Variants in MCTP1 observed in about 807,000 individuals in gnomAD.
MCTP1 encodes multiple C2 and transmembrane domain-containing protein 1.
Under a neutral mutation model 120.6 loss-of-function variants are expected in MCTP1, and 69 were observed. The ratio of observed to expected loss-of-function variants is 0.57; its 90% CI spans 0.47 to 0.70. The LOEUF (loss-of-function observed/expected upper bound fraction) is 0.70, where lower values mean the gene tolerates loss of function less well. MCTP1 is among the 30% of genes least tolerant of loss of function. MCTP1 has a pLI of 0.00. For synonymous variants in MCTP1, 529 were observed against 493.1 expected (o/e 1.07, Z -0.96); for missense variants, 1,203 against 1,248.8 (o/e 0.96, Z 0.55).
chr5:95,151,115 C>A lies in MCTP1; in HGVS notation c.720+132741G>T, dbSNP rs907801514. ...AAGTAGCTGGGACTACAGGTGTGCA[C>A]CACCACGCCTGGCTCATATATATAT... On this transcript the variant is annotated intron_variant, in intron 1 of 22. Coordinates refer to ENST00000515393, the MANE Select transcript of MCTP1 (RefSeq NM_024717.7). Among the ~76,000 whole-genome samples the A allele has an allele frequency of 4.5e-5, 6 of 134,598 alleles. No individual in the cohort carries two copies. The East Asian group carries it at 1.2e-3, about 27-fold the overall frequency. The allele number at this position is 134,598 out of a possible 152,430, so 88.3% of individuals were successfully genotyped here. A position where few individuals can be genotyped will look rare whatever the true frequency, so the allele number is the denominator to read the frequency against.
chr5:95,010,139 A>G (rs1835633142), intron 2 of MCTP1, among the ~76,000 whole-genome samples: 1 of 152,260 alleles, frequency 6.6e-6, no homozygotes, highest in South Asian at 2.1e-4. Context: ...TAATTCTAAT[A>G]GTTATACAAG....
chr5:95,115,539 G>GA (rs1757762935), intron 1 of MCTP1, among the ~76,000 whole-genome samples: 1 of 151,820 alleles, frequency 6.6e-6, no homozygotes, highest in Admixed American at 6.6e-5. Context: ...TCAAGCAGAA[G>GA]AAAGAATAAA....
chr5:95,160,344 T>G (rs1562193375), intron 1 of MCTP1, among the ~76,000 whole-genome samples: 2 of 152,118 alleles, frequency 1.3e-5, no homozygotes, highest in Non-Finnish European at 2.9e-5. Flanking sequence ...AGATTACAAA[T>G]GGAGAAGGAG....
At chr5:94,795,870 A>T (rs2153003421) in intron 18 of MCTP1, among the ~76,000 whole-genome samples, 1 of 152,350 alleles carries the variant, frequency 6.6e-6, no homozygotes, top group South Asian at 2.1e-4. Context: ...GGTTCAGCTC[A>T]TTAAATGCTG....
intron 1 of MCTP1, among the ~76,000 whole-genome samples, chr5:95,277,231 A>C (rs1003903762): frequency 6.6e-6 from 1 of 152,178 alleles, no homozygotes; most frequent in Non-Finnish European, 1.5e-5. Flanking sequence ...CGGAGACCTC[A>C]GAAGTAGGAT....
At chr5:94,886,007 G>A (rs1489249509) in intron 12 of MCTP1, among the ~76,000 whole-genome samples, 1 of 152,182 alleles carries the variant, frequency 6.6e-6, no homozygotes, top group Non-Finnish European at 1.5e-5. Flanking sequence ...TAACCTTAAT[G>A]ATTTGAAGTG....
chr5:95,281,451 T>C (rs1760307324), intron 1 of MCTP1, among the ~76,000 whole-genome samples: 1 of 152,196 alleles, frequency 6.6e-6, no homozygotes, highest in South Asian at 2.1e-4. Flanking sequence ...AGAGTGCTGC[T>C]GAAAGCCATT....
intron 1 of MCTP1, among the ~76,000 whole-genome samples, chr5:95,079,263 A>T (rs1253596461): frequency 6.6e-6 from 1 of 152,150 alleles, no homozygotes; most frequent in African/African-American, 2.4e-5. Context: ...GATCACTAAC[A>T]TATACTAAGC....
At chr5:94,848,384 CT>C (rs1792949840) in intron 17 of MCTP1, among the ~76,000 whole-genome samples, 1 of 152,066 alleles carries the variant, frequency 6.6e-6, no homozygotes, top group Non-Finnish European at 1.5e-5. Flanking sequence ...ACCCTACAGC[CT>C]TGGGGGTCAC....
intron 1 of MCTP1, among the ~76,000 whole-genome samples, chr5:95,150,448 G>A (rs903828773): frequency 5.3e-5 from 8 of 152,154 alleles, no homozygotes; most frequent in Admixed American, 1.3e-4. Flanking sequence ...CTAAGTAAGA[G>A]TCAATGAACT....
At chr5:95,106,621 C>T (rs1366873409) in intron 1 of MCTP1, among the ~76,000 whole-genome samples, 3 of 152,176 alleles carry the variant, frequency 2.0e-5, no homozygotes, top group African/African-American at 7.2e-5. Context: ...TATTTCCATT[C>T]GCTTCAATTC....
chr5:94,904,059 A>C (rs897610216), intron 10 of MCTP1, among the ~76,000 whole-genome samples: 3 of 152,222 alleles, frequency 2.0e-5, no homozygotes, highest in African/African-American at 7.2e-5. Context: ...CAGAAAGTTA[A>C]ATAATTACAT....
chr5:95,044,102 C>T (rs535304749), intron 1 of MCTP1, among the ~76,000 whole-genome samples: 1 of 152,278 alleles, frequency 6.6e-6, no homozygotes, highest in African/African-American at 2.4e-5. Flanking sequence ...CTGGGCCCTA[C>T]AGGGAAAACA....
intron 1 of MCTP1, among the ~76,000 whole-genome samples, chr5:95,202,687 T>TA (rs1751198969): frequency 6.6e-6 from 1 of 152,214 alleles, no homozygotes; most frequent in Non-Finnish European, 1.5e-5. Flanking sequence ...GCTTGGCACT[T>TA]ACTGAATTCT....
At chr5:94,885,611 C>T (rs952570601) in intron 12 of MCTP1, among the ~76,000 whole-genome samples, 12 of 151,358 alleles carry the variant, frequency 7.9e-5, no homozygotes, top group Non-Finnish European at 1.6e-4. Context: ...CACCCCACCC[C>T]GCTGGCCTTT....
intron 2 of MCTP1, among the ~76,000 whole-genome samples, chr5:94,996,856 A>G (rs115909266): frequency 0.028 from 4,205 of 152,294 alleles, 194 homozygotes; most frequent in African/African-American, 0.098. Flanking sequence ...TGGATATTTT[A>G]TGACCATGGT....
intron 19 of MCTP1, among the ~76,000 whole-genome samples, chr5:94,739,760 G>A (rs1483130387): frequency 6.6e-6 from 1 of 152,184 alleles, no homozygotes; most frequent in African/African-American, 2.4e-5. Flanking sequence ...CACCTCCCAG[G>A]TTCAAGCAAT....
chr5:94,841,940 A>G (rs1373976915), intron 17 of MCTP1, among the ~76,000 whole-genome samples: 4 of 152,208 alleles, frequency 2.6e-5, no homozygotes, highest in Middle Eastern at 3.2e-3. Flanking sequence ...AACACCCCCA[A>G]GGAGATAATT....
intron 19 of MCTP1, among the ~76,000 whole-genome samples, chr5:94,743,785 C>T (rs537687518): frequency 6.6e-6 from 1 of 151,748 alleles, no homozygotes; most frequent in African/African-American, 2.4e-5. Flanking sequence ...CTACAGGCAC[C>T]TGCCACCACA....
Sources: gnomAD v4.1 joint callset for allele counts (sites outside exome capture counted in the v4.1 genomes callset) on GRCh38, gnomAD v4.1.1 for gene constraint, MANE v1.5 for transcripts, NCBI Gene and HGNC (gene_info 2026-07-23, HGNC 2026-07-21) for gene names.